The following FNDC3A variants were observed in gnomAD, a reference collection of about 807,000 sequenced individuals.
FNDC3A encodes fibronectin type-III domain-containing protein 3A.
In FNDC3A, 32 loss-of-function variants were observed where a neutral mutation model predicts 148.9. That is an observed-to-expected ratio of 0.21 (90% CI 0.16 to 0.29). The LOEUF is 0.29. FNDC3A is among the 10% of genes least tolerant of loss of function. The probability of loss-of-function intolerance (pLI) is 1.00; values close to 1 mark genes in which losing one functional copy is unlikely to be tolerated. For synonymous variants in FNDC3A, 472 were observed against 473.6 expected, an observed-to-expected ratio of 1.00 and a Z score of 0.04; for missense variants, 1,191 against 1,452.8, an observed-to-expected ratio of 0.82 and a Z score of 2.93.
chr13:49,119,916 T>G (rs914521662), intron 4 of FNDC3A, among the ~76,000 whole-genome samples: 3 of 152,132 alleles, frequency 2.0e-5, no homozygotes, highest in Admixed American at 6.5e-5. Flanking sequence ...AAAACACTCT[T>G]CAGGATATTA....
chr13:49,040,688 A>G (rs1427129448), intron 2 of FNDC3A, among the ~76,000 whole-genome samples: 1 of 152,230 alleles, frequency 6.6e-6, no homozygotes, highest in Non-Finnish European at 1.5e-5. Flanking sequence ...AGTTTTTAAA[A>G]GTCTAATAAA....
At chr13:49,010,666 A>C (rs1952320844) in intron 2 of FNDC3A, among the ~76,000 whole-genome samples, 1 of 152,202 alleles carries the variant, frequency 6.6e-6, no homozygotes, top group Non-Finnish European at 1.5e-5. Context: ...ATTATAAGGC[A>C]TAAATCTTGT....
chr13:49,128,105 C>T (rs1388697063), intron 4 of FNDC3A, among the ~76,000 whole-genome samples: 4 of 152,132 alleles, frequency 2.6e-5, no homozygotes, highest in African/African-American at 4.8e-5. Context: ...TGGTCTCGAA[C>T]GCCTGACCTC....
chr13:49,126,150 G>C (rs1414421701), intron 4 of FNDC3A, among the ~76,000 whole-genome samples: 2 of 151,746 alleles, frequency 1.3e-5, no homozygotes, highest in African/African-American at 4.8e-5. Flanking sequence ...TTTGAAGTCT[G>C]TTGCCTTCCT....
chr13:49,143,050 T>C (rs1882778151), intron 7 of FNDC3A, among the ~76,000 whole-genome samples: 1 of 152,078 alleles, frequency 6.6e-6, no homozygotes, highest in South Asian at 2.1e-4. Context: ...GTATTTTTAG[T>C]AGAGATAGGG....
chr13:49,110,333 T>A, intron 3 of FNDC3A: 2 of 1,587,676 alleles, frequency 1.3e-6, no homozygotes, highest in South Asian at 2.3e-5. Flanking sequence ...CAATTAAAGC[T>A]GTTAACGTGT....
intron 2 of FNDC3A, among the ~76,000 whole-genome samples, chr13:49,061,901 A>G (rs1365450428): frequency 6.9e-6 from 1 of 144,382 alleles, no homozygotes; most frequent in African/African-American, 2.6e-5. Context: ...GATTACAGGC[A>G]TGAGGTACCA....
At chr13:49,144,564 T>A (rs1312207230) in intron 7 of FNDC3A, among the ~76,000 whole-genome samples, 1 of 152,242 alleles carries the variant, frequency 6.6e-6, no homozygotes, top group Non-Finnish European at 1.5e-5. Flanking sequence ...TATAAATGCC[T>A]ACATATAATC....
intron 4 of FNDC3A, among the ~76,000 whole-genome samples, chr13:49,127,563 T>C (rs1331388232): frequency 6.6e-6 from 1 of 152,204 alleles, no homozygotes; most frequent in Non-Finnish European, 1.5e-5. Context: ...TAATCCTTCC[T>C]CCTTGACATG....
intron 5 of FNDC3A, among the ~76,000 whole-genome samples, chr13:49,132,916 T>G (rs1882118694): frequency 6.6e-6 from 1 of 152,228 alleles, no homozygotes; most frequent in African/African-American, 2.4e-5. Flanking sequence ...GCTGTCTCCC[T>G]TATTTGACTA....
intron 1 of FNDC3A, among the ~76,000 whole-genome samples, chr13:49,003,524 A>G (rs779041090): frequency 6.6e-6 from 1 of 152,190 alleles, no homozygotes; most frequent in South Asian, 2.1e-4. Context: ...GCTTTTTAAA[A>G]GAAATTACAA....
At chr13:49,090,219 G>A (rs1325850299) in intron 3 of FNDC3A, among the ~76,000 whole-genome samples, 3 of 152,064 alleles carry the variant, frequency 2.0e-5, no homozygotes, top group Non-Finnish European at 4.4e-5. Context: ...TCAGGGGTTC[G>A]AGACCAGCCT....
intron 5 of FNDC3A, among the ~76,000 whole-genome samples, chr13:49,133,050 A>T (rs1882126721): frequency 6.6e-6 from 1 of 152,224 alleles, no homozygotes; most frequent in Admixed American, 6.5e-5. Context: ...GAAATTACAC[A>T]ACACAGCCTG....
At chr13:49,120,816 C>T (rs1198271571) in intron 4 of FNDC3A, among the ~76,000 whole-genome samples, 1 of 152,088 alleles carries the variant, frequency 6.6e-6, no homozygotes, top group Non-Finnish European at 1.5e-5. Flanking sequence ...ATATATGAAC[C>T]CAATACAGGA....
intron 1 of FNDC3A, among the ~76,000 whole-genome samples, chr13:48,996,810 C>T (rs751523267): frequency 6.6e-6 from 1 of 152,106 alleles, no homozygotes; most frequent in Non-Finnish European, 1.5e-5. Flanking sequence ...ACCTGTAATC[C>T]CAGCACTTTG....
chr13:49,170,792 C>T (rs1207786720), intron 10 of FNDC3A, among the ~76,000 whole-genome samples: 1 of 152,022 alleles, frequency 6.6e-6, no homozygotes, highest in Admixed American at 6.6e-5. Flanking sequence ...AATAGTATCC[C>T]CTCAAACTTG....
chr13:49,160,246 C>T (rs149467327), intron 8 of FNDC3A, among the ~76,000 whole-genome samples: 1,821 of 152,236 alleles, frequency 0.012, 14 homozygotes, highest in Non-Finnish European at 0.02. Flanking sequence ...TCCATCTGGT[C>T]CTGGGCTTTT....
At chr13:49,084,668 G>T (rs1878689373) in intron 3 of FNDC3A, among the ~76,000 whole-genome samples, 1 of 151,924 alleles carries the variant, frequency 6.6e-6, no homozygotes, top group South Asian at 2.1e-4. Context: ...CGCTGCTTGG[G>T]GAAGACAAGA....
chr13:49,145,875 A>G lies in FNDC3A; in HGVS notation c.917A>G (p.Tyr306Cys), dbSNP rs1179426468. 1.5e-5 allele frequency: 24 copies of G among 1,612,436 alleles called. No homozygotes were observed. The highest frequency in any genetic ancestry group is 4.4e-5 in the South Asian group (4 of 91,024). The change falls in exon 8 of 26, where the codon TAT becomes TGT. Residue 306 changes from tyrosine (Y) to cysteine (C), a missense_variant. Tyr to Cys is a radical substitution (Grantham distance 194, BLOSUM62 -2). Coordinates refer to ENST00000492622, the MANE Select transcript of FNDC3A (RefSeq NM_001079673.2). ...ETDESSVPEL[Y>C]GYEVLISSTG... is the part of the protein sequence containing the mutation. ...GATGAAAGTAGTGTACCAGAGCTCT[A>G]TGGTTATGAAGTTCTGATCTCAAGT...
Sources: gnomAD v4.1 joint callset for allele counts (sites outside exome capture counted in the v4.1 genomes callset) on GRCh38, gnomAD v4.1.1 for gene constraint, MANE v1.5 for transcripts, NCBI Gene and HGNC (gene_info 2026-07-23, HGNC 2026-07-21) for gene names.